The following BEGAIN variants were observed in gnomAD, a reference collection of about 807,000 sequenced individuals.
The protein encoded by BEGAIN is brain-enriched guanylate kinase-associated protein.
BEGAIN carries 19 observed loss-of-function variants against 35.8 expected under a neutral mutation model. The observed-to-expected ratio is 0.53, with a 90% CI of 0.37 to 0.78. The LOEUF is 0.78. BEGAIN is among the 30% of genes least tolerant of loss of function. BEGAIN has a pLI of 0.00. For synonymous variants in BEGAIN, 462 were observed against 388.6 expected, an observed-to-expected ratio of 1.19 and a Z score of -2.22; for missense variants, 795 against 853.6, an observed-to-expected ratio of 0.93 and a Z score of 0.85.
intron 1 of BEGAIN, 76 bp downstream of exon 1, chr14:100,587,173 C>T (rs2035463446): frequency 5.8e-6 from 1 of 171,934 alleles, no homozygotes; most frequent in Non-Finnish European, 1.2e-5. Context: ...GCAGGGACCG[C>T]CCCAGGCGTG....
chr14:100,538,848 G>A lies in BEGAIN; in HGVS notation c.960C>T (p.Ser320=). ...TCTCCTCCGACGTGGCGCTGAAGCTGGAGTAGGAGCTGGACGTGGGCAGTG... is the reference window on the plus strand; with the variant it reads ...TCTCCTCCGACGTGGCGCTGAAGCTAGAGTAGGAGCTGGACGTGGGCAGTG... ...AGSLPTSSSY[S]SFSATSEEKE... is the part of the protein sequence containing the mutation. The change falls in exon 7 of 7, where the codon TCC becomes TCT. Residue 320 remains serine, a synonymous_variant. Transcript: ENST00000554140. The A allele has an allele frequency of 6.2e-7, 1 of 1,606,902 alleles. No homozygotes were observed. Among genetic ancestry groups the A allele is most frequent in the African/African-American group, 1.3e-5 (1 of 75,004 alleles).
At position 100,538,013 on chromosome 14, in the gene BEGAIN, C is replaced by G; in HGVS notation, c.1795G>C (p.Asp599His). Residue 599 changes from aspartate to histidine, a missense_variant, in exon 7 of 7, where the codon GAC (aspartate) becomes CAC (histidine). Physicochemically the swap from Asp to His is moderately conservative, Grantham distance 81. This residue lies in a region of BEGAIN where 664 missense variants were observed against 647.7 expected (regional missense o/e 1.03). Coordinates refer to ENST00000554140, the MANE Select transcript of BEGAIN (RefSeq NM_001385089.1). Reference sequence around the variant, plus strand: ...TAGAGCTGGGCCTTGGTGAGGCTGTCCTTGCGGCTCAGCCCCGAGCCACCA... The same window carrying G: ...TAGAGCTGGGCCTTGGTGAGGCTGTGCTTGCGGCTCAGCCCCGAGCCACCA... Reference protein sequence around the residue: ...RTGGSGLSRKDSLTKAQLYGT... With the variant: ...RTGGSGLSRKHSLTKAQLYGT... 6.2e-7 allele frequency: 1 copy of G among 1,608,978 alleles called. No individual in the cohort carries two copies. The highest frequency in any genetic ancestry group is 8.5e-7 in the Non-Finnish European group (1 of 1,178,738).
At position 100,572,646 on chromosome 14, in the gene BEGAIN, T is replaced by G. The variant is rs546882010; in HGVS notation, c.43-4707A>C. Among the ~76,000 whole-genome samples the G allele has an allele frequency of 3.2e-4, 48 of 152,202 alleles. 1 individual carries two copies. The South Asian group carries it at 8.7e-3, about 28-fold the overall frequency. ...AGATGAGCCCTGGGGGGTTGGGCCT[T>G]CTCCGCAGCTGTGGGACCTTGGGCA... is the stretch of plus-strand genomic sequence containing the variant. On this transcript the variant is annotated intron_variant, in intron 1 of 6. Coordinates refer to ENST00000554140, the MANE Select transcript of BEGAIN (RefSeq NM_001385089.1).
intron 2 of BEGAIN, among the ~76,000 whole-genome samples, chr14:100,559,419 C>T (rs1393073800): frequency 6.6e-6 from 1 of 152,208 alleles, no homozygotes; most frequent in Non-Finnish European, 1.5e-5. Context: ...GGCCATGGGC[C>T]GGCCCCATAG....
Position 100,568,361 on chromosome 14 carries a change from C to A in BEGAIN, c.43-422G>T. On this transcript the variant is annotated intron_variant, in intron 1 of 6. Coordinates refer to ENST00000554140, the MANE Select transcript of BEGAIN (RefSeq NM_001385089.1). The surrounding 1 kb of genome is among the most constrained non-coding windows in gnomAD (Gnocchi z 7.5). The stretch of plus-strand genomic sequence containing the variant: ...GCCCCGCGCTCCCTCCCGGAGGAAG[C>A]CGAACCCCGGAATCGCAGAACCTCC... 1 of 1,150,866 alleles carries A rather than the reference C, an allele frequency of 8.7e-7. No homozygotes were observed. The highest frequency in any genetic ancestry group is 1.1e-6 in the Non-Finnish European group (1 of 877,170). The allele number at this position is 1,150,866 out of a possible 1,614,324, so 71.3% of individuals were successfully genotyped here. A position where few individuals can be genotyped will look rare whatever the true frequency, so the allele number is the denominator to read the frequency against.
At chr14:100,553,072 C>T (rs2033362336) in intron 2 of BEGAIN, among the ~76,000 whole-genome samples, 1 of 152,164 alleles carries the variant, frequency 6.6e-6, no homozygotes. Context: ...CATCTCCTCT[C>T]AGGACTTGGA....
chr14:100,550,599 C>T (rs2033092982), intron 2 of BEGAIN: 2 of 398,236 alleles, frequency 5.0e-6, no homozygotes, highest in Non-Finnish European at 8.9e-6. Flanking sequence ...GGCACAGCCA[C>T]AGCCCCTTGG....
chr14:100,544,282 C>G (rs1025646051), intron 4 of BEGAIN, among the ~76,000 whole-genome samples: 2 of 152,154 alleles, frequency 1.3e-5, no homozygotes, highest in African/African-American at 4.8e-5. Context: ...GCATAGAGCC[C>G]AGCCCACCTC....
At chr14:100,569,644 G>A (rs1434104638) in intron 1 of BEGAIN, 1 of 154,596 alleles carries the variant, frequency 6.5e-6, no homozygotes, top group East Asian at 1.9e-4. Flanking sequence ...GCCAGCGCAG[G>A]GTGGGAGGAG....
Position 100,568,731 on chromosome 14 carries a change from A to T in BEGAIN, c.43-792T>A, listed in dbSNP as rs534186965. 3.3e-5 allele frequency among the ~76,000 whole-genome samples: 5 copies of T among 151,532 alleles called. No homozygotes were observed. The South Asian group carries it at 1.0e-3, about 32-fold the overall frequency. ...TTGTGGGCGCGGGCGAGCGACGGGG[A>T]CCGCGAGCGGCCCGGGCGGGATCGC... On this transcript the variant is annotated intron_variant, in intron 1 of 6. Coordinates refer to ENST00000554140, the MANE Select transcript of BEGAIN (RefSeq NM_001385089.1). The surrounding 1 kb of genome is among the most constrained non-coding windows in gnomAD (Gnocchi z 7.5).
intron 6 of BEGAIN, 166 bp downstream of exon 6, chr14:100,540,330 G>A (rs1595105667): frequency 1.8e-5 from 11 of 619,294 alleles, no homozygotes; most frequent in South Asian, 1.4e-4. Flanking sequence ...TGCCTTTGGC[G>A]GCCCCTCCAA....
At chr14:100,553,988 C>G (rs780728226) in intron 2 of BEGAIN, among the ~76,000 whole-genome samples, 88 of 152,292 alleles carry the variant, frequency 5.8e-4, no homozygotes, top group African/African-American at 1.9e-3. Context: ...GGGCTGGAGC[C>G]CCAGGGCCCT....
At chr14:100,548,692 G>A (rs1295722756) in intron 2 of BEGAIN, 3 of 152,362 alleles carry the variant, frequency 2.0e-5, no homozygotes, top group Middle Eastern at 6.8e-3. Context: ...GACAAACCCT[G>A]CCCCTGCCCC....
chr14:100,545,169 T>A, intron 3 of BEGAIN, 103 bp from the exon 4 acceptor site: 16 of 1,581,632 alleles, frequency 1.0e-5, no homozygotes, highest in Non-Finnish European at 1.4e-5. Context: ...AATTTGGACC[T>A]CCTGAGCTCA....
rs749449191 is a variant in BEGAIN at position 100,537,928 on chromosome 14, C to G, written c.*41G>C. On this transcript the variant is annotated 3_prime_UTR_variant, in exon 7 of 7. Transcript: ENST00000554140. ...GGCCGGCCCTTCTGGGGCACGTGGG[C>G]TGGCGGGGAGCGAACCACGGCCAGG... The G allele has an allele frequency of 2.6e-6, 4 of 1,561,238 alleles. No individual in the cohort carries two copies. In the East Asian group the frequency reaches 6.9e-5, roughly 27 times the overall value.
chr14:100,571,155 C>T (rs997644556), intron 1 of BEGAIN, among the ~76,000 whole-genome samples: 4 of 152,210 alleles, frequency 2.6e-5, no homozygotes, highest in African/African-American at 9.7e-5. Context: ...TCCTCCAACA[C>T]ACCTCTCCCC....
chr14:100,586,068 C>T lies in BEGAIN; in HGVS notation c.42+1181G>A, dbSNP rs2035438456. Reference sequence around the variant, plus strand: ...TCACAGATGCCAGGCAGAGCCACCCCCAACGGCCAGTTGCCCCTGCTGGCA... The same window carrying T: ...TCACAGATGCCAGGCAGAGCCACCCTCAACGGCCAGTTGCCCCTGCTGGCA... On this transcript the variant is annotated intron_variant, in intron 1 of 6. Coordinates refer to ENST00000554140, the MANE Select transcript of BEGAIN (RefSeq NM_001385089.1). This position sits in a 1 kb window ranked among gnomAD's most constrained non-coding sequence, Gnocchi z 4.9. Among the ~76,000 whole-genome samples the T allele has an allele frequency of 6.6e-6, 1 of 152,256 alleles. No homozygotes were observed. Among genetic ancestry groups the T allele is most frequent in the African/African-American group, 2.4e-5 (1 of 41,476 alleles).
At position 100,538,396 on chromosome 14, in the gene BEGAIN, GC is replaced by G. The variant is rs2030939475; in HGVS notation, c.1411del (p.Ala471ProfsTer48). ...CSFSERYYGG[A>X]GGSPGKKADG... Reference sequence around the variant, plus strand: ...GGCCTTCTTGCCCGGGCTGCCCCCGGCCCCGCCGTAGTAGCGTTCAGAGAAG... The same window carrying G: ...GGCCTTCTTGCCCGGGCTGCCCCCGGCCCGCCGTAGTAGCGTTCAGAGAAG... On this transcript the variant is annotated frameshift_variant, in exon 7 of 7. Coordinates refer to ENST00000554140, the MANE Select transcript of BEGAIN (RefSeq NM_001385089.1). LOFTEE classifies it high-confidence loss of function. 1 of 1,532,616 alleles carries G rather than the reference GC, an allele frequency of 6.5e-7. No individual in the cohort carries two copies. The highest frequency in any genetic ancestry group is 8.7e-7 in the Non-Finnish European group (1 of 1,145,942). The allele number at this position is 1,532,616 out of a possible 1,614,324, so 94.9% of individuals were successfully genotyped here.
intron 2 of BEGAIN, among the ~76,000 whole-genome samples, chr14:100,557,011 G>A (rs538879310): frequency 1.3e-5 from 2 of 152,276 alleles, no homozygotes; most frequent in African/African-American, 2.4e-5. Flanking sequence ...CACCACACAC[G>A]AGTCAGGGCA....
Sources: allele counts gnomAD v4.1 joint callset (sites outside exome capture counted in the v4.1 genomes callset), GRCh38; gene constraint gnomAD v4.1.1; regional missense constraint gnomAD v4.1.1; non-coding constraint Gnocchi (gnomAD v3.1); transcripts MANE v1.5; gene names NCBI Gene and HGNC (gene_info 2026-07-23, HGNC 2026-07-21).